The following AXDND1 variants were observed in gnomAD, a reference collection of about 807,000 sequenced individuals.
The protein encoded by AXDND1 is axonemal dynein light chain domain containing 1.
A neutral mutation model predicts 137.5 loss-of-function variants in AXDND1; 110 were observed. The observed-to-expected ratio is 0.80, with a 90% confidence interval of 0.69 to 0.94. The LOEUF (loss-of-function observed/expected upper bound fraction) is 0.94, where lower values mean the gene tolerates loss of function less well. Among genes scored for constraint, AXDND1 ranks in the 40% least tolerant of loss-of-function variants. The pLI is 0.00. For synonymous variants in AXDND1, 414 were observed against 399.7 expected (o/e 1.04, Z -0.43); for missense variants, 1,191 against 1,169.8 (o/e 1.02, Z -0.26).
intron 20 of AXDND1, chr1:179,506,906 ACT>A: frequency 1.0e-6 from 1 of 985,230 alleles, no homozygotes; most frequent in Non-Finnish European, 1.2e-6. Context: ...TAGGAATCTT[ACT>A]CTCAAGATGT....
At chr1:179,413,955 A>G (rs530686117) in intron 12 of AXDND1, among the ~76,000 whole-genome samples, 1 of 152,066 alleles carries the variant, frequency 6.6e-6, no homozygotes, top group African/African-American at 2.4e-5. Flanking sequence ...GTGAGATGGT[A>G]TCTCATTATG....
intron 16 of AXDND1, among the ~76,000 whole-genome samples, chr1:179,463,166 G>A (rs1662610165): frequency 6.6e-6 from 1 of 152,116 alleles, no homozygotes. Context: ...GCTAGCTTTT[G>A]AATGTGTTTG....
At chr1:179,437,547 C>T (rs1044328924) in intron 15 of AXDND1, among the ~76,000 whole-genome samples, 2 of 152,142 alleles carry the variant, frequency 1.3e-5, no homozygotes, top group African/African-American at 4.8e-5. Context: ...TTGGTCACAT[C>T]CCACAGGCCT....
intron 20 of AXDND1, chr1:179,506,798 C>A: frequency 1.0e-6 from 1 of 953,886 alleles, no homozygotes; most frequent in Non-Finnish European, 1.2e-6. Flanking sequence ...CTGCCATCCA[C>A]CTTGGACCAC....
chr1:179,434,113 C>T (rs967502399), intron 15 of AXDND1, among the ~76,000 whole-genome samples: 1 of 152,112 alleles, frequency 6.6e-6, no homozygotes, highest in African/African-American at 2.4e-5. Context: ...TAATGCCCTT[C>T]TTTGTCTTTT....
At chr1:179,507,233 T>A (rs552867606) in intron 20 of AXDND1, among the ~76,000 whole-genome samples, 2 of 152,342 alleles carry the variant, frequency 1.3e-5, no homozygotes, top group East Asian at 3.9e-4. Flanking sequence ...TCCTGGTCTA[T>A]AGCTGATAAA....
At chr1:179,437,948 T>C (rs1658405580) in intron 15 of AXDND1, among the ~76,000 whole-genome samples, 2 of 152,048 alleles carry the variant, frequency 1.3e-5, no homozygotes. Context: ...GGTCAGGAGT[T>C]CAAGACCAGC....
At chr1:179,408,412 C>CTG (rs1653316128) in intron 11 of AXDND1, among the ~76,000 whole-genome samples, 1 of 150,724 alleles carries the variant, frequency 6.6e-6, no homozygotes, top group Non-Finnish European at 1.5e-5. Flanking sequence ...AAATCTCACT[C>CTG]TGTTGCCAGG....
chr1:179,531,830 G>A (rs752250836), intron 23 of AXDND1, among the ~76,000 whole-genome samples: 9 of 152,102 alleles, frequency 5.9e-5, no homozygotes, highest in Non-Finnish European at 1.2e-4. Context: ...GATGTCAGAC[G>A]GAGACTAACT....
intron 18 of AXDND1, among the ~76,000 whole-genome samples, chr1:179,487,995 C>CA (rs71114524): frequency 0.013 from 1,362 of 101,418 alleles, 51 homozygotes; most frequent in Non-Finnish European, 0.017. Context: ...GACCATGTCT[C>CA]AAAAAAAAAA....
At chr1:179,526,455 C>T (rs1415361807) in intron 22 of AXDND1, among the ~76,000 whole-genome samples, 2 of 152,154 alleles carry the variant, frequency 1.3e-5, no homozygotes, top group African/African-American at 2.4e-5. Context: ...GTGGCAGAAC[C>T]GATATTCAAA....
intron 25 of AXDND1, among the ~76,000 whole-genome samples, chr1:179,542,972 CAG>C (rs1368439885): frequency 1.4e-4 from 21 of 152,330 alleles, no homozygotes; most frequent in South Asian, 2.1e-4. Context: ...GGGACCTAAA[CAG>C]AGTCTCCAGA....
At chr1:179,496,830 C>T (rs183847311) in intron 20 of AXDND1, among the ~76,000 whole-genome samples, 85 of 152,114 alleles carry the variant, frequency 5.6e-4, no homozygotes, top group African/African-American at 1.9e-3. Context: ...CCCATACCCC[C>T]GTAGGCATTT....
intron 16 of AXDND1, among the ~76,000 whole-genome samples, chr1:179,460,534 G>A (rs1036365570): frequency 1.3e-5 from 2 of 152,166 alleles, no homozygotes; most frequent in Non-Finnish European, 2.9e-5. Flanking sequence ...CTTTATAGCA[G>A]CATGATTTAT....
chr1:179,551,118 G>T (rs1673185240), intron 25 of AXDND1: 2 of 1,606,466 alleles, frequency 1.2e-6, no homozygotes, highest in Middle Eastern at 1.7e-4. Context: ...TCTCCCTCAG[G>T]CATGTGACTT....
At chr1:179,479,468 T>C (rs1665059183) in intron 17 of AXDND1, among the ~76,000 whole-genome samples, 2 of 75,590 alleles carry the variant, frequency 2.6e-5, no homozygotes, top group African/African-American at 1.1e-4. Context: ...AGAGCGAAAC[T>C]CTGTCTCAAA....
At chr1:179,457,855 G>T (rs1661638591) in intron 16 of AXDND1, among the ~76,000 whole-genome samples, 1 of 152,196 alleles carries the variant, frequency 6.6e-6, no homozygotes, top group Admixed American at 6.5e-5. Context: ...TGTATTTGGA[G>T]TGAGGCTGTT....
intron 25 of AXDND1, among the ~76,000 whole-genome samples, chr1:179,538,594 G>A (rs1001333196): frequency 6.6e-6 from 1 of 152,142 alleles, no homozygotes; most frequent in African/African-American, 2.4e-5. Flanking sequence ...TATTTGCTGA[G>A]GAGTGTTTTA....
chr1:179,537,838 G>T (rs1156475885), intron 25 of AXDND1, among the ~76,000 whole-genome samples: 2 of 152,032 alleles, frequency 1.3e-5, no homozygotes, highest in African/African-American at 4.8e-5. Flanking sequence ...TTTTTTGGTT[G>T]GTAGGCTATT....
Sources: gnomAD v4.1 joint callset for allele counts (sites outside exome capture counted in the v4.1 genomes callset) on GRCh38, gnomAD v4.1.1 for gene constraint, MANE v1.5 for transcripts, NCBI Gene and HGNC (gene_info 2026-07-23, HGNC 2026-07-21) for gene names.